SCAF11: variants seen among roughly 807,000 people sequenced by gnomAD.
SCAF11 encodes SR-related CTD associated factor 11.
A neutral mutation model predicts 140.5 loss-of-function variants in SCAF11; 47 were observed. The ratio of observed to expected loss-of-function variants is 0.33; its 90% confidence interval spans 0.26 to 0.43. The LOEUF is 0.43. Among genes scored for constraint, SCAF11 ranks in the 20% least tolerant of loss-of-function variants. The probability of loss-of-function intolerance (pLI) is 1.00; values close to 1 mark genes in which losing one functional copy is unlikely to be tolerated. For missense variants in SCAF11, 1,645 were observed against 1,705.1 expected, an observed-to-expected ratio of 0.96 and a Z score of 0.62; for synonymous variants, 557 against 579.4, an observed-to-expected ratio of 0.96 and a Z score of 0.55.
upstream of SCAF11, chr12:45,992,044 G>C: frequency 7.8e-7 from 1 of 1,288,508 alleles, no homozygotes. Flanking sequence ...CTTCACTGCC[G>C]CCTTCCTGCA....
At chr12:45,961,927 T>G in intron 2 of SCAF11, 70 bp from the exon 3 acceptor site, 1 of 1,301,952 alleles carries the variant, frequency 7.7e-7, no homozygotes, top group Non-Finnish European at 1.0e-6. Flanking sequence ...TCTAGGAGTA[T>G]AGTGGATTAG....
chr12:45,964,064 GT>G, intron 2 of SCAF11, 42 bp downstream of exon 2: 1 of 1,024,494 alleles, frequency 9.8e-7, no homozygotes. Flanking sequence ...GGAAACAACT[GT>G]TTTGCTTTCA....
At chr12:45,954,733 CTTTTTTTTTTT>C (rs759746881) in intron 3 of SCAF11, 4 of 93,902 alleles carry the variant, frequency 4.3e-5, no homozygotes, top group Admixed American at 1.2e-4. Flanking sequence ...CCGTGCCTAG[CTTTTTTTTTTT>C]TTTTTTTTTT....
intron 1 of SCAF11, among the ~76,000 whole-genome samples, chr12:45,964,621 C>T (rs1333960942): frequency 2.0e-5 from 3 of 151,296 alleles, no homozygotes; most frequent in Non-Finnish European, 2.9e-5. Context: ...GAGCCCAGAT[C>T]GCGCCACTGC....
At chr12:45,968,942 C>T (rs913083228) in intron 1 of SCAF11, among the ~76,000 whole-genome samples, 3 of 152,036 alleles carry the variant, frequency 2.0e-5, no homozygotes, top group Admixed American at 6.6e-5. Context: ...CACCCAAAAA[C>T]GCAAAAAACA....
intron 1 of SCAF11, among the ~76,000 whole-genome samples, chr12:45,986,931 C>T (rs1032068611): frequency 2.6e-5 from 4 of 152,172 alleles, no homozygotes; most frequent in African/African-American, 7.2e-5. Context: ...TCTTTTTCTT[C>T]CCAGTCTCAG....
rs1342503825 is a variant in SCAF11, at chr12:45,928,271, G to A, written c.1430C>T (p.Ser477Phe). ...TAGCACAGGAAGATCTTGAGCACAA[G>A]ACTCAGAAGATGAAGATCCTACTCT... Reference protein sequence around the residue: ...EERVGSSSSESCAQDLPVLVG... With the variant: ...EERVGSSSSEFCAQDLPVLVG... The change falls in exon 11 of 15, where the codon TCT becomes TTT. Residue 477 changes from serine to phenylalanine, a missense_variant. Ser to Phe is a radical substitution (Grantham distance 155, BLOSUM62 -2). This residue lies in a region of SCAF11 where 1,582 missense variants were observed against 1,609.2 expected (regional missense o/e 0.98). Transcript: ENST00000369367. 1 of 1,613,922 alleles carries A rather than the reference G, an allele frequency of 6.2e-7. No individual in the cohort carries two copies. Among genetic ancestry groups the A allele is most frequent in the East Asian group, 2.2e-5 (1 of 44,866 alleles).
In SCAF11 at chr12:45,962,626, G is replaced by A. The variant is rs148056406; in HGVS notation, c.62-769C>T. On this transcript the variant is annotated intron_variant, in intron 2 of 14. Coordinates refer to ENST00000369367, the MANE Select transcript of SCAF11 (RefSeq NM_004719.3). The stretch of plus-strand genomic sequence containing the variant: ...AAAAATAAAACAGAAATAAAGGATT[G>A]GTCAGCTGAAATGTGAACAGTAATA... 3.5e-4 allele frequency among the ~76,000 whole-genome samples: 54 copies of A among 152,208 alleles called. No homozygotes were observed. In the South Asian group the frequency reaches 4.6e-3, roughly 13 times the overall value.
At chr12:45,965,992 TA>T in intron 1 of SCAF11, among the ~76,000 whole-genome samples, 1 of 152,344 alleles carries the variant, frequency 6.6e-6, no homozygotes, top group East Asian at 1.9e-4. Flanking sequence ...AAACTTTTTT[TA>T]ATCCAATCAA....
intron 5 of SCAF11, among the ~76,000 whole-genome samples, chr12:45,948,144 G>T (rs546087058): frequency 6.6e-6 from 1 of 152,168 alleles, no homozygotes; most frequent in South Asian, 2.1e-4. Flanking sequence ...TGTTCCCCAG[G>T]CTGGTACCAA....
intron 1 of SCAF11, among the ~76,000 whole-genome samples, chr12:45,989,904 C>T (rs1031568631): frequency 2.6e-5 from 4 of 152,164 alleles, no homozygotes; most frequent in Non-Finnish European, 5.9e-5. Flanking sequence ...CGGGAGCGCC[C>T]GGAAGCTCAG....
At chr12:45,941,131 T>C (rs1000921849) in intron 6 of SCAF11, among the ~76,000 whole-genome samples, 2 of 152,200 alleles carry the variant, frequency 1.3e-5, no homozygotes, top group Admixed American at 1.3e-4. Context: ...TAAATAAACA[T>C]ATATCAACAC....
At chr12:45,962,747 T>C (rs1265028599) in intron 2 of SCAF11, among the ~76,000 whole-genome samples, 1 of 152,134 alleles carries the variant, frequency 6.6e-6, no homozygotes, top group Non-Finnish European at 1.5e-5. Context: ...GGAAAACTAA[T>C]CCTGATAGAC....
intron 8 of SCAF11, 124 bp from the exon 9 acceptor site, chr12:45,933,356 G>A (rs1945098801): frequency 1.9e-6 from 1 of 528,258 alleles, no homozygotes; most frequent in Non-Finnish European, 3.3e-6. Flanking sequence ...TTACAAGCAT[G>A]TGAGCTCTTT....
intron 6 of SCAF11, among the ~76,000 whole-genome samples, chr12:45,938,388 C>T (rs2136539981): frequency 6.6e-6 from 1 of 152,224 alleles, no homozygotes; most frequent in Middle Eastern, 3.4e-3. Context: ...ACTCAGGAGG[C>T]TAAGGCAGTA....
At position 45,922,032 on chromosome 12, in the gene SCAF11, G is replaced by A; in HGVS notation, c.*16C>T. ...TTGCAGATATCCTGATAATGTCCTT[G>A]ACAGCGTTCCCCATTTCAGCCTATG... On this transcript the variant is annotated 3_prime_UTR_variant, in exon 15 of 15. Transcript: ENST00000369367. The A allele has an allele frequency of 6.2e-7, 1 of 1,604,942 alleles. No homozygotes were observed. The highest frequency in any genetic ancestry group is 8.5e-7 in the Non-Finnish European group (1 of 1,177,386).
At chr12:45,972,544 C>A in intron 1 of SCAF11, among the ~76,000 whole-genome samples, 1 of 146,804 alleles carries the variant, frequency 6.8e-6, no homozygotes, top group African/African-American at 2.5e-5. Flanking sequence ...ACAATCATGC[C>A]ATGCACTTCA....
chr12:45,965,688 A>G (rs772266961), intron 1 of SCAF11, among the ~76,000 whole-genome samples: 47 of 152,250 alleles, frequency 3.1e-4, no homozygotes, highest in Admixed American at 4.6e-4. Flanking sequence ...ATATGCATTT[A>G]TATCTACGCA....
Position 45,921,334 on chromosome 12 carries a change from T to A in SCAF11, c.*714A>T, listed in dbSNP as rs1289594730. On this transcript the variant is annotated 3_prime_UTR_variant, in exon 15 of 15. Transcript: ENST00000369367. Reference sequence around the variant, plus strand: ...TTCCTCAAAGTCTTCAACAAAGACTTTGAACTGCCAAAGTTGTAATCTAGT... The same window carrying A: ...TTCCTCAAAGTCTTCAACAAAGACTATGAACTGCCAAAGTTGTAATCTAGT... The A allele has an allele frequency of 2.0e-5, 3 of 152,574 alleles. No individual in the cohort carries two copies. The highest frequency in any genetic ancestry group is 4.4e-5 in the Non-Finnish European group (3 of 68,022). The allele number at this position is 152,574 out of a possible 1,614,324, so 9.5% of individuals were successfully genotyped here.
Sources: gnomAD v4.1 joint callset for allele counts (sites outside exome capture counted in the v4.1 genomes callset) on GRCh38, gnomAD v4.1.1 for gene constraint, gnomAD v4.1.1 regional missense constraint, MANE v1.5 for transcripts, NCBI Gene and HGNC (gene_info 2026-07-23, HGNC 2026-07-21) for gene names.